Variants in HELZ observed in about 807,000 individuals in gnomAD.
HELZ encodes helicase with zinc finger, also known as ATP-dependent RNA helicase with zinc finger domain.
In HELZ, 23 loss-of-function variants were observed where a neutral mutation model predicts 218.2. The observed-to-expected ratio is 0.11, with a 90% confidence interval of 0.08 to 0.15. HELZ has a LOEUF of 0.15. Ranked by LOEUF, HELZ falls within the 10% of genes least tolerant of loss-of-function variation. HELZ has a pLI of 1.00. For missense variants in HELZ, 1,813 were observed against 2,353.7 expected, an observed-to-expected ratio of 0.77 and a Z score of 4.75; for synonymous variants, 814 against 829.4, an observed-to-expected ratio of 0.98 and a Z score of 0.32.
chr17:67,122,050 C>T (rs1254217797), intron 26 of HELZ, among the ~76,000 whole-genome samples: 2 of 152,104 alleles, frequency 1.3e-5, no homozygotes, highest in African/African-American at 4.8e-5. Flanking sequence ...TTTAGATTTA[C>T]AAATTAAATT....
intron 3 of HELZ, among the ~76,000 whole-genome samples, chr17:67,227,031 G>A (rs1484558444): frequency 6.6e-6 from 1 of 151,986 alleles, no homozygotes; most frequent in African/African-American, 2.4e-5. Context: ...GAGTTTTTAG[G>A]GTGATGACAC....
At chr17:67,245,259 CCGCCGCCGG>C (rs1159379964), upstream of HELZ, 2 of 971,766 alleles carry the variant, frequency 2.1e-6, no homozygotes, top group African/African-American at 1.8e-5. Context: ...CTCCCGCCTC[CCGCCGCCGG>C]CGCCGCCCCC....
At chr17:67,166,682 T>C in intron 14 of HELZ, 74 bp from the exon 15 acceptor site, 3 of 1,348,094 alleles carry the variant, frequency 2.2e-6, no homozygotes, top group Non-Finnish European at 3.2e-6. Flanking sequence ...TAGAATACTT[T>C]GGGAGGAATC....
At chr17:67,245,974 C>T (rs531224362), upstream of HELZ, 5 of 152,418 alleles carry the variant, frequency 3.3e-5, no homozygotes, top group South Asian at 2.0e-4. Flanking sequence ...GGCAGGTAAT[C>T]CGGGGCGCCG....
chr17:67,234,086 G>A (rs1334305441), intron 3 of HELZ, among the ~76,000 whole-genome samples: 5 of 150,566 alleles, frequency 3.3e-5, no homozygotes, highest in Admixed American at 2.7e-4. Context: ...AACTTTGGGA[G>A]GCCAAGGTAG....
At chr17:67,209,229 T>C (rs1448725508) in intron 5 of HELZ, among the ~76,000 whole-genome samples, 1 of 152,184 alleles carries the variant, frequency 6.6e-6, no homozygotes, top group Non-Finnish European at 1.5e-5. Context: ...ATCTTTTTCA[T>C]TTCTAGAATA....
At position 67,136,008 on chromosome 17, in the gene HELZ, C is replaced by T. The variant is rs374822993; in HGVS notation, c.3144G>A (p.Val1048=). The change falls in exon 23 of 33, where the codon GTG becomes GTA. Residue 1048 remains valine, a synonymous_variant. Transcript: ENST00000358691. ...TAGAGCACAGAGCAATGGGATCACC[C>T]ACCACAGCAACCAGGGATTGTGCTC... is the stretch of plus-strand genomic sequence containing the variant. ...ITRAQSLVAV[V]GDPIALCSIG... 2.7e-5 allele frequency: 44 copies of T among 1,613,664 alleles called. No homozygotes were observed. The highest frequency in any genetic ancestry group is 4.0e-5 in the African/African-American group (3 of 74,914).
chr17:67,114,277 C>T (rs2037365201), intron 28 of HELZ, 47 bp downstream of exon 28: 1 of 1,216,146 alleles, frequency 8.2e-7, no homozygotes, highest in African/African-American at 1.5e-5. Flanking sequence ...CCAAGATGAC[C>T]AATCAGACTA....
At chr17:67,244,031 G>A (rs1051751728) in intron 1 of HELZ, 192 bp from the exon 2 acceptor site, 8 of 969,954 alleles carry the variant, frequency 8.2e-6, no homozygotes, top group Non-Finnish European at 9.8e-6. Flanking sequence ...TAAGGTAAAA[G>A]AATAGATTAT....
chr17:67,200,421 A>G (rs2040139234), intron 7 of HELZ, among the ~76,000 whole-genome samples: 1 of 151,980 alleles, frequency 6.6e-6, no homozygotes, highest in Admixed American at 6.6e-5. Flanking sequence ...TAAATCACAG[A>G]CTTCCATCAG....
Position 67,089,668 on chromosome 17 carries a change from T to TATAGAGAGAG in HELZ, c.5242-2588_5242-2587insCTCTCTCTAT, listed in dbSNP as rs71293575. On this transcript the variant is annotated intron_variant, in intron 31 of 32. Transcript: ENST00000358691. ...GATTTTATATATATATATATATATA[T>TATAGAGAGAG]AGAGAGAGAGAGAGAGAGAGAGAGA... Among the ~76,000 whole-genome samples, 263 of 70,612 alleles carry TATAGAGAGAG rather than the reference T, an allele frequency of 3.7e-3. 5 individuals are homozygous for TATAGAGAGAG. The highest frequency in any genetic ancestry group is 0.014 in the African/African-American group (239 of 16,534). The allele number at this position is 70,612 out of a possible 152,430, so 46.3% of individuals were successfully genotyped here.
At chr17:67,234,711 A>C (rs564048459) in intron 3 of HELZ, among the ~76,000 whole-genome samples, 2 of 152,042 alleles carry the variant, frequency 1.3e-5, no homozygotes, top group East Asian at 3.9e-4. Context: ...TTAAAAAAAA[A>C]ACTCCCCAAA....
intron 31 of HELZ, among the ~76,000 whole-genome samples, chr17:67,097,088 A>T (rs2036771136): frequency 6.6e-6 from 1 of 152,216 alleles, no homozygotes; most frequent in Admixed American, 6.5e-5. Flanking sequence ...GTTGTGTCTC[A>T]GGGAATAGGG....
chr17:67,227,914 T>C (rs1005644747), intron 3 of HELZ, among the ~76,000 whole-genome samples: 1 of 152,208 alleles, frequency 6.6e-6, no homozygotes, highest in Admixed American at 6.5e-5. Context: ...AAATCCTTTG[T>C]TAACAGAGAG....
At chr17:67,136,902 A>G (rs2038170272) in intron 22 of HELZ, among the ~76,000 whole-genome samples, 2 of 152,196 alleles carry the variant, frequency 1.3e-5, no homozygotes, top group Admixed American at 6.5e-5. Flanking sequence ...ACTTAATGCC[A>G]CAGAACTTAT....
In HELZ at chr17:67,094,333, A is replaced by AAG. The variant is rs1555597034; in HGVS notation, c.5242-7254_5242-7253dup. Among the ~76,000 whole-genome samples, 628 of 146,618 alleles carry AAG rather than the reference A, an allele frequency of 4.3e-3. 6 individuals carry two copies. Among genetic ancestry groups the AAG allele is most frequent in the African/African-American group, 8.3e-3 (316 of 38,024 alleles). ...GGAGACCTGGTCTTGAAAAAAAAAA[A>AAG]AGAGAGAGAGAGAGAGAGAGATACA... is the stretch of plus-strand genomic sequence containing the variant. On this transcript the variant is annotated intron_variant, in intron 31 of 32. Transcript: ENST00000358691.
rs569121866 is a variant in HELZ, at chr17:67,126,913, T to C, written c.3387+1738A>G. ...GCACTAAGCTAGAGCTAGCTATGTA[T>C]GAAAGTCATGTCCCCTGTTCTCTTA... On this transcript the variant is annotated intron_variant, in intron 24 of 32. Coordinates refer to ENST00000358691, the MANE Select transcript of HELZ (RefSeq NM_014877.4). Among the ~76,000 whole-genome samples the C allele has an allele frequency of 8.5e-5, 13 of 152,334 alleles. No individual in the cohort carries two copies. The East Asian group carries it at 2.5e-3, about 29-fold the overall frequency.
intron 23 of HELZ, among the ~76,000 whole-genome samples, chr17:67,135,499 C>T (rs1229542446): frequency 2.6e-5 from 4 of 152,304 alleles, no homozygotes; most frequent in East Asian, 3.9e-4. Flanking sequence ...GCTCTCACCA[C>T]GCTATTTACA....
chr17:67,135,937 C>T (rs1204186521), intron 23 of HELZ, 33 bp downstream of exon 23: 1 of 1,499,762 alleles, frequency 6.7e-7, no homozygotes, highest in African/African-American at 1.4e-5. Context: ...GTCACATTTC[C>T]CCTTTAATGT....
Sources: gnomAD v4.1 joint callset for allele counts (sites outside exome capture counted in the v4.1 genomes callset) on GRCh38, gnomAD v4.1.1 for gene constraint, MANE v1.5 for transcripts, NCBI Gene and HGNC (gene_info 2026-07-23, HGNC 2026-07-21) for gene names.